Variants in MORN1 observed in about 807,000 individuals in gnomAD.
The protein encoded by MORN1 is MORN repeat-containing protein 1.
In MORN1, 67 loss-of-function variants were observed where a neutral mutation model predicts 61.9. The ratio of observed to expected loss-of-function variants is 1.08; its 90% confidence interval spans 0.89 to 1.33. MORN1 has a LOEUF of 1.33. Among genes scored for constraint, MORN1 ranks in the 40% most tolerant of loss-of-function variants. The probability of loss-of-function intolerance (pLI) is 0.00; values close to 1 mark genes in which losing one functional copy is unlikely to be tolerated. For synonymous variants in MORN1, 301 were observed against 292.0 expected, an observed-to-expected ratio of 1.03 and a Z score of -0.31; for missense variants, 752 against 691.2, an observed-to-expected ratio of 1.09 and a Z score of -0.99.
intron 12 of MORN1, among the ~76,000 whole-genome samples, chr1:2,335,865 T>A: frequency 7.2e-6 from 1 of 139,210 alleles, no homozygotes; most frequent in Non-Finnish European, 1.5e-5. Flanking sequence ...GCCCCCAATT[T>A]GTAGACAGAG....
At chr1:2,349,210 A>T (rs1641596512) in intron 10 of MORN1, among the ~76,000 whole-genome samples, 1 of 152,214 alleles carries the variant, frequency 6.6e-6, no homozygotes, top group Non-Finnish European at 1.5e-5. Context: ...AACAGGAAAG[A>T]ACCTCAGAGA....
intron 10 of MORN1, among the ~76,000 whole-genome samples, chr1:2,348,622 C>CACACGCACACACGCACCTGCGCAG (rs1557876116): frequency 2.0e-5 from 3 of 150,854 alleles, no homozygotes; most frequent in Non-Finnish European, 4.5e-5. Flanking sequence ...TAGGCAGGCA[C>CACACGCACACACGCACCTGCGCAG]GCACGCACAC....
intron 6 of MORN1, among the ~76,000 whole-genome samples, chr1:2,382,140 G>A (rs1340930535): frequency 6.6e-6 from 1 of 152,218 alleles, no homozygotes; most frequent in African/African-American, 2.4e-5. Flanking sequence ...GCTGTCCATG[G>A]TCCTCTGGAA....
chr1:2,348,142 C>T (rs560891504), intron 10 of MORN1, among the ~76,000 whole-genome samples: 4 of 152,368 alleles, frequency 2.6e-5, no homozygotes, highest in South Asian at 2.1e-4. Context: ...GGAACATTCC[C>T]GGGCCTTTCC....
In MORN1 at chr1:2,330,303, G is replaced by A. The variant is rs558987766; in HGVS notation, c.1251-6160C>T. On this transcript the variant is annotated intron_variant, in intron 12 of 13. Coordinates refer to ENST00000378531, the MANE Select transcript of MORN1 (RefSeq NM_024848.3). ...AGGCCCAGTGGGTGGCCAGGCTCTC[G>A]CCCCATGTGTCTCCAGGCACCAGTG... 2.0e-5 allele frequency among the ~76,000 whole-genome samples: 3 copies of A among 152,306 alleles called. No individual in the cohort carries two copies. The East Asian group carries it at 5.8e-4, about 29-fold the overall frequency.
intron 10 of MORN1, among the ~76,000 whole-genome samples, chr1:2,341,354 G>GC (rs372532545): frequency 6.6e-6 from 1 of 152,060 alleles, no homozygotes; most frequent in Non-Finnish European, 1.5e-5. Flanking sequence ...CCCTGCTCAT[G>GC]CCCCCGTCTG....
At position 2,334,354 on chromosome 1, in the gene MORN1, C is replaced by G. The variant is rs541063933; in HGVS notation, c.1250+2115G>C. On this transcript the variant is annotated intron_variant, in intron 12 of 13. Transcript: ENST00000378531. This position sits in a 1 kb window ranked among gnomAD's most constrained non-coding sequence, Gnocchi z 5.4. ...CCCAGGTTTGTCTCTAAGTCGCTGC[C>G]GCCCCATGATCCATGGCGGAGAGGC... Among the ~76,000 whole-genome samples the G allele has an allele frequency of 4.3e-4, 66 of 152,270 alleles. No homozygotes were observed. The highest frequency in any genetic ancestry group is 1.5e-3 in the African/African-American group (64 of 41,548).
At position 2,334,531 on chromosome 1, in the gene MORN1, G is replaced by A. The variant is rs916550766; in HGVS notation, c.1250+1938C>T. On this transcript the variant is annotated intron_variant, in intron 12 of 13. Coordinates refer to ENST00000378531, the MANE Select transcript of MORN1 (RefSeq NM_024848.3). The surrounding 1 kb of genome is among the most constrained non-coding windows in gnomAD (Gnocchi z 5.4). ...CTGCATGGAGAGGCGGGGCTCCCTT[G>A]GGGGAGCAGGCCTGGTTTTGGGCTG... Among the ~76,000 whole-genome samples, 1 of 152,070 alleles carries A rather than the reference G, an allele frequency of 6.6e-6. No individual in the cohort carries two copies. Among genetic ancestry groups the A allele is most frequent in the Non-Finnish European group, 1.5e-5 (1 of 67,970 alleles).
intron 10 of MORN1, among the ~76,000 whole-genome samples, chr1:2,346,685 C>T (rs1641522647): frequency 6.6e-6 from 1 of 152,230 alleles, no homozygotes; most frequent in Non-Finnish European, 1.5e-5. Flanking sequence ...CGCGCCCACC[C>T]TGAGATAAAT....
chr1:2,327,417 CAG>C (rs1641057334), intron 12 of MORN1, among the ~76,000 whole-genome samples: 1 of 151,962 alleles, frequency 6.6e-6, no homozygotes, highest in Non-Finnish European at 1.5e-5. Flanking sequence ...CACAGAGACA[CAG>C]AGACACAGAA....
At chr1:2,327,034 G>A (rs2643895) in intron 12 of MORN1, among the ~76,000 whole-genome samples, 106,019 of 149,412 alleles carry the variant, frequency 0.71, 38,613 homozygotes, top group East Asian at 0.9. Flanking sequence ...AGACAGAAAC[G>A]AAGACAGAAA....
At chr1:2,350,695 G>C (rs187295244) in intron 10 of MORN1, 25 of 152,450 alleles carry the variant, frequency 1.6e-4, no homozygotes, top group African/African-American at 4.6e-4. Flanking sequence ...CAGTGGCCCT[G>C]GCCCAGCAGG....
At chr1:2,373,907 C>T (rs1228856442) in intron 7 of MORN1, among the ~76,000 whole-genome samples, 1 of 152,238 alleles carries the variant, frequency 6.6e-6, no homozygotes, top group Non-Finnish European at 1.5e-5. Flanking sequence ...CTTGCAGGTG[C>T]CCCGGCGCAG....
At chr1:2,348,687 GCACA>G (rs1204455730) in intron 10 of MORN1, among the ~76,000 whole-genome samples, 2 of 135,572 alleles carry the variant, frequency 1.5e-5, no homozygotes, top group Non-Finnish European at 3.4e-5. Context: ...GCGCAGGCAC[GCACA>G]CACACGCACG....
chr1:2,342,614 G>C (rs544271091), intron 10 of MORN1, among the ~76,000 whole-genome samples: 1 of 152,102 alleles, frequency 6.6e-6, no homozygotes, highest in South Asian at 2.1e-4. Context: ...CTCCCCTGCT[G>C]TCCCCAGCCC....
intron 13 of MORN1, 105 bp downstream of exon 13, chr1:2,323,992 G>A: frequency 6.8e-7 from 1 of 1,464,366 alleles, no homozygotes; most frequent in Non-Finnish European, 9.0e-7. Context: ...TACCTCTGGG[G>A]GCCCCGGGCC....
Position 2,378,542 on chromosome 1 carries a change from C to T in MORN1, c.538-3985G>A, listed in dbSNP as rs369312348. ...AAAGCCGCCCAGAAGGAGCCACCTGCTCCGTGCAGTGAGCAGGTGCTCGGC... is the reference window on the plus strand; with the variant it reads ...AAAGCCGCCCAGAAGGAGCCACCTGTTCCGTGCAGTGAGCAGGTGCTCGGC... On this transcript the variant is annotated intron_variant, in intron 6 of 13. Coordinates refer to ENST00000378531, the MANE Select transcript of MORN1 (RefSeq NM_024848.3). 76 of 218,100 alleles carry T rather than the reference C, an allele frequency of 3.5e-4. 1 individual carries two copies. Among genetic ancestry groups the T allele is most frequent in the East Asian group, 2.7e-3 (23 of 8,400 alleles). The allele number at this position is 218,100 out of a possible 1,614,324, so 13.5% of individuals were successfully genotyped here. A position where few individuals can be genotyped will look rare whatever the true frequency, so the allele number is the denominator to read the frequency against.
intron 1 of MORN1, chr1:2,390,570 C>T: frequency 2.0e-6 from 2 of 985,386 alleles, no homozygotes; most frequent in Non-Finnish European, 2.4e-6. Flanking sequence ...ACCAGCTCCT[C>T]AGGCACATTT....
intron 12 of MORN1, among the ~76,000 whole-genome samples, chr1:2,328,084 G>A (rs1338607010): frequency 6.6e-6 from 1 of 152,266 alleles, no homozygotes; most frequent in Non-Finnish European, 1.5e-5. Context: ...CTGGCAGCCT[G>A]TGGCCCTTGA....
Sources: allele counts gnomAD v4.1 joint callset (sites outside exome capture counted in the v4.1 genomes callset), GRCh38; gene constraint gnomAD v4.1.1; non-coding constraint Gnocchi (gnomAD v3.1); transcripts MANE v1.5; gene names NCBI Gene and HGNC (gene_info 2026-07-23, HGNC 2026-07-21).